The following PKHD1 variants were observed in gnomAD, a reference collection of about 807,000 sequenced individuals.
PKHD1 encodes PKHD1 ciliary IPT domain containing fibrocystin/polyductin.
Under a neutral mutation model 412.0 loss-of-function variants are expected in PKHD1, and 291 were observed. That is an observed-to-expected ratio of 0.71 (90% CI 0.64 to 0.78). The LOEUF (loss-of-function observed/expected upper bound fraction) is 0.78, where lower values mean the gene tolerates loss of function less well. Ranked by LOEUF, PKHD1 falls within the 30% of genes least tolerant of loss-of-function variation. The probability of loss-of-function intolerance (pLI) is 0.00; values close to 1 mark genes in which losing one functional copy is unlikely to be tolerated. For missense variants in PKHD1, 4,825 were observed against 4,950.7 expected (o/e 0.97, Z 0.76); for synonymous variants, 1,777 against 1,821.5 (o/e 0.98, Z 0.62).
chr6:51,670,229 T>G (rs1774678554), intron 60 of PKHD1, among the ~76,000 whole-genome samples: 2 of 151,916 alleles, frequency 1.3e-5, no homozygotes, highest in African/African-American at 4.8e-5. Flanking sequence ...ATCTGGGTGC[T>G]CCTGTATTGG....
intron 52 of PKHD1, among the ~76,000 whole-genome samples, chr6:51,826,786 A>G (rs1237958564): frequency 6.6e-6 from 1 of 152,146 alleles, no homozygotes; most frequent in African/African-American, 2.4e-5. Flanking sequence ...AATGTCCATA[A>G]AGATAGAACG....
intron 60 of PKHD1, among the ~76,000 whole-genome samples, chr6:51,712,695 G>A (rs1186835771): frequency 6.6e-6 from 1 of 152,184 alleles, no homozygotes; most frequent in Non-Finnish European, 1.5e-5. Flanking sequence ...AAAGGGCAAA[G>A]CACTGAGGCC....
intron 18 of PKHD1, among the ~76,000 whole-genome samples, chr6:52,056,032 G>A (rs892950962): frequency 6.6e-6 from 1 of 152,154 alleles, no homozygotes; most frequent in African/African-American, 2.4e-5. Flanking sequence ...ATTCTTTGTT[G>A]TAGGGGCTGT....
chr6:51,902,918 A>G (rs547314461), intron 43 of PKHD1, among the ~76,000 whole-genome samples: 1 of 152,288 alleles, frequency 6.6e-6, no homozygotes, highest in South Asian at 2.1e-4. Context: ...ATCTGACATG[A>G]CCTTATACAC....
intron 61 of PKHD1, among the ~76,000 whole-genome samples, chr6:51,652,559 C>CTT: frequency 2.1e-4 from 2 of 9,438 alleles, no homozygotes; most frequent in Non-Finnish European, 3.0e-4. Context: ...TTTTATCTCT[C>CTT]TTGTTTTTTT....
chr6:51,661,221 A>C (rs975234240), intron 60 of PKHD1, among the ~76,000 whole-genome samples: 1 of 152,142 alleles, frequency 6.6e-6, no homozygotes. Flanking sequence ...GCTCTGCCTC[A>C]GGAACCAGAA....
chr6:51,813,362 A>G (rs1378655125), intron 52 of PKHD1, among the ~76,000 whole-genome samples: 1 of 152,168 alleles, frequency 6.6e-6, no homozygotes, highest in Non-Finnish European at 1.5e-5. Flanking sequence ...TGTTATTATA[A>G]TAACGGGTAC....
In PKHD1 at chr6:51,657,835, G is replaced by A. The variant is rs532085884; in HGVS notation, c.11174+1117C>T. ...TTAAAAGCACAATATTAACTGAGTC[G>A]TCTTTTATATATAATATAAAATCAG... On this transcript the variant is annotated intron_variant, in intron 61 of 66. Coordinates refer to ENST00000371117, the MANE Select transcript of PKHD1 (RefSeq NM_138694.4). Among the ~76,000 whole-genome samples, 9 of 152,068 alleles carry A rather than the reference G, an allele frequency of 5.9e-5. 1 individual carries two copies. The highest frequency in any genetic ancestry group is 2.1e-4 in the South Asian group (1 of 4,822).
chr6:51,651,927 C>T lies in PKHD1; in HGVS notation c.11175-2707G>A, dbSNP rs75604073. Reference sequence around the variant, plus strand: ...GTTCTATTGCTGGCCCCAGTGGGGTCGTCAGTAAACTGGAGTGATGTCCAA... The same window carrying T: ...GTTCTATTGCTGGCCCCAGTGGGGTTGTCAGTAAACTGGAGTGATGTCCAA... On this transcript the variant is annotated intron_variant, in intron 61 of 66. Transcript: ENST00000371117. Among the ~76,000 whole-genome samples the T allele has an allele frequency of 2.1e-3, 317 of 152,212 alleles. 1 individual carries two copies. Among genetic ancestry groups the T allele is most frequent in the African/African-American group, 7.5e-3 (310 of 41,554 alleles).
At chr6:52,018,334 T>C (rs1800858656) in intron 33 of PKHD1, among the ~76,000 whole-genome samples, 1 of 152,204 alleles carries the variant, frequency 6.6e-6, no homozygotes, top group African/African-American at 2.4e-5. Flanking sequence ...TGCCATATTG[T>C]TTTCCAAAGT....
intron 50 of PKHD1, among the ~76,000 whole-genome samples, chr6:51,843,320 A>T (rs1770564939): frequency 6.6e-6 from 1 of 152,238 alleles, no homozygotes; most frequent in African/African-American, 2.4e-5. Flanking sequence ...CAGGAATCAC[A>T]TGGGCAAGAG....
At chr6:51,713,378 G>A (rs1419499253) in intron 60 of PKHD1, among the ~76,000 whole-genome samples, 3 of 152,128 alleles carry the variant, frequency 2.0e-5, no homozygotes, top group African/African-American at 4.8e-5. Context: ...TGGAAAATCT[G>A]TGATGGGGAA....
chr6:51,779,534 A>G (rs1287536104), intron 53 of PKHD1, among the ~76,000 whole-genome samples: 1 of 152,188 alleles, frequency 6.6e-6, no homozygotes, highest in African/African-American at 2.4e-5. Context: ...TATTCCCAGC[A>G]GAGTTTATTT....
intron 1 of PKHD1, among the ~76,000 whole-genome samples, chr6:52,085,486 C>G (rs1812637673): frequency 6.6e-6 from 1 of 152,120 alleles, no homozygotes; most frequent in Non-Finnish European, 1.5e-5. Context: ...CTGCTGGTCC[C>G]TTCCTGGATG....
Position 51,883,222 on chromosome 6 carries a change from A to G in PKHD1, c.7221T>C (p.Phe2407=), listed in dbSNP as rs199559837. ...TTTTCAGGCGAAGATTGCTACTTCT[A>G]AAAATCTATAAAATACAGCATGTTA... ...VWESAGGAQI[F]RSSNLRLKNF... is the part of the protein sequence containing the mutation. The change falls in exon 46 of 67, where the codon TTT becomes TTC. Residue 2407 remains phenylalanine, a synonymous_variant. Transcript: ENST00000371117. 2.2e-4 allele frequency: 357 copies of G among 1,613,252 alleles called. No individual in the cohort carries two copies. Among genetic ancestry groups the G allele is most frequent in the Non-Finnish European group, 2.8e-4 (335 of 1,179,288 alleles).
intron 60 of PKHD1, among the ~76,000 whole-genome samples, chr6:51,686,629 T>C (rs540196374): frequency 1.3e-5 from 2 of 152,232 alleles, no homozygotes; most frequent in Non-Finnish European, 2.9e-5. Context: ...ATTTATTATG[T>C]ATATTACTTA....
intron 52 of PKHD1, among the ~76,000 whole-genome samples, chr6:51,822,138 G>A (rs1457873759): frequency 6.6e-6 from 1 of 152,152 alleles, no homozygotes; most frequent in Non-Finnish European, 1.5e-5. Flanking sequence ...AGTGACCAGG[G>A]ACACAACCTG....
At chr6:51,794,637 G>A (rs7743869) in intron 52 of PKHD1, among the ~76,000 whole-genome samples, 89,786 of 151,926 alleles carry the variant, frequency 0.59, 27,194 homozygotes, top group East Asian at 0.83. Flanking sequence ...TTCTTCCAGG[G>A]TTTTTATGGT....
chr6:51,705,322 T>C (rs372537735), intron 60 of PKHD1, among the ~76,000 whole-genome samples: 1 of 151,978 alleles, frequency 6.6e-6, no homozygotes, highest in African/African-American at 2.4e-5. Context: ...AATTTAGCAA[T>C]GACTAATGTT....
Sources: allele counts gnomAD v4.1 joint callset (sites outside exome capture counted in the v4.1 genomes callset), GRCh38; gene constraint gnomAD v4.1.1; transcripts MANE v1.5; gene names NCBI Gene and HGNC (gene_info 2026-07-23, HGNC 2026-07-21).